VCAN: variants seen among roughly 807,000 people sequenced by gnomAD.
VCAN encodes the protein versican core protein.
In VCAN, 44 loss-of-function variants were observed where a neutral mutation model predicts 245.5. That is an observed-to-expected ratio of 0.18 (90% CI 0.14 to 0.23). VCAN has a LOEUF of 0.23. Among genes scored for constraint, VCAN ranks in the 10% least tolerant of loss-of-function variants. The pLI, the probability that VCAN is intolerant of heterozygous loss-of-function variation, is 1.00. For synonymous variants in VCAN, 1,413 were observed against 1,437.0 expected (o/e 0.98, Z 0.38); for missense variants, 3,793 against 4,057.9 (o/e 0.93, Z 1.77).
chr5:83,524,378 C>T (rs959563581), intron 7 of VCAN, among the ~76,000 whole-genome samples: 2 of 151,984 alleles, frequency 1.3e-5, no homozygotes, highest in African/African-American at 4.8e-5. Context: ...TTTTGTTTTG[C>T]ATAATAATAT....
At chr5:83,543,609 T>C (rs1240542643) in intron 8 of VCAN, among the ~76,000 whole-genome samples, 1 of 152,220 alleles carries the variant, frequency 6.6e-6, no homozygotes, top group Non-Finnish European at 1.5e-5. Flanking sequence ...AATCTGTAAA[T>C]GATAATCTAG....
intron 5 of VCAN, among the ~76,000 whole-genome samples, chr5:83,496,279 C>G (rs1168729162): frequency 6.6e-6 from 1 of 152,194 alleles, no homozygotes; most frequent in Non-Finnish European, 1.5e-5. Context: ...TCTCCCACTT[C>G]CATAAACACA....
intron 12 of VCAN, among the ~76,000 whole-genome samples, chr5:83,557,239 A>G (rs1254595861): frequency 6.6e-6 from 1 of 151,970 alleles, no homozygotes; most frequent in East Asian, 1.9e-4. Flanking sequence ...TCTATTTCTA[A>G]TCTGTCATTG....
chr5:83,496,435 A>G (rs891346122), intron 5 of VCAN, among the ~76,000 whole-genome samples: 3 of 152,232 alleles, frequency 2.0e-5, no homozygotes, highest in African/African-American at 4.8e-5. Flanking sequence ...ATACCAAATC[A>G]ACAGAATTTT....
At position 83,533,091 on chromosome 5, in the gene VCAN, A is replaced by C. The variant is rs192809785; in HGVS notation, c.4004-3916A>C. Reference sequence around the variant, plus strand: ...AATAGAGTTTATTTTAGAAAAAGAAAATTTCTATCATACTTATTAAATGAG... The same window carrying C: ...AATAGAGTTTATTTTAGAAAAAGAACATTTCTATCATACTTATTAAATGAG... On this transcript the variant is annotated intron_variant, in intron 7 of 14. Coordinates refer to ENST00000265077, the MANE Select transcript of VCAN (RefSeq NM_004385.5). Among the ~76,000 whole-genome samples, 30 of 152,238 alleles carry C rather than the reference A, an allele frequency of 2.0e-4. No homozygotes were observed. The East Asian group carries it at 5.8e-3, about 29-fold the overall frequency.
At chr5:83,549,926 A>T (rs1580057516) in intron 10 of VCAN, among the ~76,000 whole-genome samples, 1 of 152,184 alleles carries the variant, frequency 6.6e-6, no homozygotes, top group African/African-American at 2.4e-5. Context: ...TTTTCTATCC[A>T]AAGTTTGGTG....
intron 7 of VCAN, among the ~76,000 whole-genome samples, chr5:83,526,765 T>C (rs1292225815): frequency 6.6e-6 from 1 of 152,234 alleles, no homozygotes; most frequent in African/African-American, 2.4e-5. Context: ...TCAATCTTAT[T>C]GATGCCTATG....
Position 83,572,677 on chromosome 5 carries a change from G to A in VCAN, c.9880+117G>A, listed in dbSNP as rs947472779. 4.7e-6 allele frequency: 6 copies of A among 1,287,650 alleles called. No homozygotes were observed. The Admixed American group carries it at 1.1e-4, about 24-fold the overall frequency. 79.8% of individuals were successfully genotyped at this position (1,287,650 alleles called of 1,614,324 possible). ...ACACAAACTGGATATGTCCATGTATGTCATCTCTCGTTGCTCTGGAATATT... is the reference window on the plus strand; with the variant it reads ...ACACAAACTGGATATGTCCATGTATATCATCTCTCGTTGCTCTGGAATATT... On this transcript the variant is annotated intron_variant, in intron 13 of 14. Coordinates refer to ENST00000265077, the MANE Select transcript of VCAN (RefSeq NM_004385.5).
At chr5:83,491,087 T>C (rs1297112769) in intron 3 of VCAN, among the ~76,000 whole-genome samples, 1 of 152,238 alleles carries the variant, frequency 6.6e-6, no homozygotes, top group Non-Finnish European at 1.5e-5. Flanking sequence ...TTAAGATTAA[T>C]ATCCTAGTTG....
At position 83,521,752 on chromosome 5, in the gene VCAN, G is replaced by A. The variant is rs1460628531; in HGVS notation, c.3446G>A (p.Gly1149Glu). 4 of 1,614,124 alleles carry A rather than the reference G, an allele frequency of 2.5e-6. No individual in the cohort carries two copies. The East Asian group carries it at 6.7e-5, about 27-fold the overall frequency. The change falls in exon 7 of 15, where the codon GGA becomes GAA. Residue 1149 changes from glycine to glutamate, a missense_variant. By Grantham distance (98) the Gly-to-Glu change is moderately conservative (BLOSUM62 -2). This residue lies in a region of VCAN where 3,182 missense variants were observed against 3,250.3 expected (regional missense o/e 0.98). Transcript: ENST00000265077. ...KYETEGSSTT[G>E]FTSSLSPFST... ...GAAACAGAAGGTAGTAGTACAACAG[G>A]ATTTACATCATCTTTGAGTCCTTTT...
chr5:83,542,841 A>G (rs529959577), intron 8 of VCAN, among the ~76,000 whole-genome samples: 1 of 152,366 alleles, frequency 6.6e-6, no homozygotes, highest in African/African-American at 2.4e-5. Flanking sequence ...ACCAGTAGTG[A>G]GTAGTCATTT....
At chr5:83,487,801 A>C (rs1744844596) in intron 2 of VCAN, among the ~76,000 whole-genome samples, 1 of 152,166 alleles carries the variant, frequency 6.6e-6, no homozygotes, top group African/African-American at 2.4e-5. Context: ...GCTGTTTAGC[A>C]ATGCTCTATG....
intron 12 of VCAN, among the ~76,000 whole-genome samples, chr5:83,567,959 A>G (rs1748148061): frequency 6.6e-6 from 1 of 152,186 alleles, no homozygotes; most frequent in Non-Finnish European, 1.5e-5. Flanking sequence ...AATGGGAGGT[A>G]CTGAGTTTTT....
intron 6 of VCAN, among the ~76,000 whole-genome samples, chr5:83,517,234 A>G (rs960681352): frequency 6.6e-6 from 1 of 152,196 alleles, no homozygotes; most frequent in Non-Finnish European, 1.5e-5. Context: ...CACTATAAAC[A>G]TATTTTCATA....
intron 7 of VCAN, among the ~76,000 whole-genome samples, chr5:83,530,126 A>G (rs1746462499): frequency 6.6e-6 from 1 of 152,086 alleles, no homozygotes; most frequent in Non-Finnish European, 1.5e-5. Flanking sequence ...AAATTTAAAT[A>G]TAGTATTGGC....
chr5:83,557,835 G>A (rs1374769192), intron 12 of VCAN, among the ~76,000 whole-genome samples: 6 of 152,080 alleles, frequency 3.9e-5, no homozygotes, highest in African/African-American at 7.2e-5. Flanking sequence ...CACTTGAAAC[G>A]TAAGGATTAT....
At chr5:83,515,558 C>T (rs1437367159) in intron 6 of VCAN, among the ~76,000 whole-genome samples, 1 of 151,100 alleles carries the variant, frequency 6.6e-6, no homozygotes, top group Non-Finnish European at 1.5e-5. Context: ...CCCTCAGCAT[C>T]TTCTCCAACT....
In VCAN at chr5:83,512,363, C is replaced by G. The variant is rs199827515; in HGVS notation, c.1009C>G (p.Pro337Ala). The G allele has an allele frequency of 6.5e-5, 105 of 1,611,578 alleles. No individual in the cohort carries two copies. Among genetic ancestry groups the G allele is most frequent in the Non-Finnish European group, 8.4e-5 (99 of 1,178,092 alleles). ...RFENQTGFPP[P>A]DSRFDAYCFK... ...TGAGAACCAGACAGGCTTCCCTCCC[C>G]CTGATAGCAGATTTGATGCCTACTG... Residue 337 changes from proline to alanine, a missense_variant, in exon 6 of 15, where the codon CCT (proline) becomes GCT (alanine). Physicochemically the swap from Pro to Ala is conservative, Grantham distance 27. Transcript: ENST00000265077.
At chr5:83,568,785 T>C (rs916107385) in intron 12 of VCAN, among the ~76,000 whole-genome samples, 4 of 152,146 alleles carry the variant, frequency 2.6e-5, no homozygotes, top group South Asian at 2.1e-4. Context: ...ACTTGGAAAA[T>C]ATCATAAGTA....
Sources: allele counts gnomAD v4.1 joint callset (sites outside exome capture counted in the v4.1 genomes callset), GRCh38; gene constraint gnomAD v4.1.1; regional missense constraint gnomAD v4.1.1; transcripts MANE v1.5; gene names NCBI Gene and HGNC (gene_info 2026-07-23, HGNC 2026-07-21).